Variants in HCRTR1 observed in about 807,000 individuals in gnomAD.
HCRTR1 encodes hypocretin receptor 1.
Under a neutral mutation model 40.6 loss-of-function variants are expected in HCRTR1, and 28 were observed. The ratio of observed to expected loss-of-function variants is 0.69; its 90% CI spans 0.51 to 0.95. HCRTR1 has a LOEUF of 0.95. Ranked by LOEUF, HCRTR1 falls within the 40% of genes least tolerant of loss-of-function variation. The pLI is 0.00. For synonymous variants in HCRTR1, 209 were observed against 230.0 expected (o/e 0.91, Z 0.83); for missense variants, 482 against 564.7 (o/e 0.85, Z 1.48).
chr1:31,619,588 G>A lies in HCRTR1; in HGVS notation c.256G>A (p.Val86Ile). 6.2e-7 allele frequency: 1 copy of A among 1,614,122 alleles called. No homozygotes were observed. The highest frequency in any genetic ancestry group is 8.5e-7 in the Non-Finnish European group (1 of 1,180,014). ...GAGGACAGTCACCAACTACTTCATT[G>A]TCAACCTGTCCCTGGCTGACGTTCT... is the stretch of plus-strand genomic sequence containing the variant. ...HMRTVTNYFI[V>I]NLSLADVLVT... The change falls in exon 4 of 9, where the codon GTC (valine) becomes ATC (isoleucine). Residue 86 changes from valine (V) to isoleucine (I), a missense_variant. By Grantham distance (29) the Val-to-Ile change is conservative. Coordinates refer to ENST00000403528, the MANE Select transcript of HCRTR1 (RefSeq NM_001525.3).
chr1:31,632,321 A>G, downstream of HCRTR1: 3 of 1,135,504 alleles, frequency 2.6e-6, no homozygotes, highest in Non-Finnish European at 3.9e-6. Flanking sequence ...CTCTTGGCTC[A>G]GTGCCCCAGC....
At chr1:31,624,880 A>T (rs1639939962) in intron 7 of HCRTR1, 117 bp from the exon 8 acceptor site, 4 of 1,137,918 alleles carry the variant, frequency 3.5e-6, no homozygotes, top group Non-Finnish European at 4.8e-6. Flanking sequence ...GGAAACGTGG[A>T]CAGAAGTGGG....
At chr1:31,628,883 C>T (rs1182289962), downstream of HCRTR1, among the ~76,000 whole-genome samples, 2 of 152,116 alleles carry the variant, frequency 1.3e-5, no homozygotes, top group African/African-American at 4.8e-5. Flanking sequence ...GGGTAGGCTC[C>T]ACTATATAGA....
chr1:31,625,021 C>A lies in HCRTR1; in HGVS notation c.990C>A (p.Ala330=), dbSNP rs1176151139. Residue 330 remains alanine (A), a synonymous_variant, in exon 8 of 9, where the codon GCC becomes GCA. Transcript: ENST00000403528. This position sits in a 1 kb window ranked among gnomAD's most constrained non-coding sequence, Gnocchi z 4.2. The part of the protein sequence containing the change: ...LKRVFGMFRQ[A]SDREAVYACF... ...GGGTGTTCGGGATGTTCCGCCAAGCCAGTGACCGCGAAGCTGTCTACGCCT... is the reference window on the plus strand; with the variant it reads ...GGGTGTTCGGGATGTTCCGCCAAGCAAGTGACCGCGAAGCTGTCTACGCCT... 1 of 1,609,578 alleles carries A rather than the reference C, an allele frequency of 6.2e-7. No individual in the cohort carries two copies. Among genetic ancestry groups the A allele is most frequent in the Non-Finnish European group, 8.5e-7 (1 of 1,176,878 alleles).
chr1:31,632,360 G>A (rs768257109), downstream of HCRTR1: 3 of 1,436,654 alleles, frequency 2.1e-6, no homozygotes, highest in Non-Finnish European at 2.9e-6. Context: ...AGGGATGCAG[G>A]CCTGCACTGA....
Position 31,623,622 on chromosome 1 carries a change from G to A in HCRTR1, c.838G>A (p.Ala280Thr). 2 of 1,613,912 alleles carry A rather than the reference G, an allele frequency of 1.2e-6. No homozygotes were observed. The highest frequency in any genetic ancestry group is 1.7e-6 in the Non-Finnish European group (2 of 1,180,040). Reference sequence around the variant, plus strand: ...CCTGAGTGGAGAGCCCCAGCCCCGGGCCCGCGCCTTCCTGGCTGAAGTGAA... The same window carrying A: ...CCTGAGTGGAGAGCCCCAGCCCCGGACCCGCGCCTTCCTGGCTGAAGTGAA... ...QGLSGEPQPRARAFLAEVKQM... is the reference protein window; with the variant it reads ...QGLSGEPQPRTRAFLAEVKQM... The change falls in exon 7 of 9, where the codon GCC becomes ACC. Residue 280 changes from alanine (A) to threonine (T), a missense_variant. Physicochemically the swap from Ala to Thr is moderately conservative, Grantham distance 58 (BLOSUM62 0). Transcript: ENST00000403528.
Position 31,625,509 on chromosome 1 carries a change from C to G in HCRTR1, c.1087+391C>G, listed in dbSNP as rs536385116. Among the ~76,000 whole-genome samples the G allele has an allele frequency of 6.6e-6, 1 of 152,306 alleles. No individual in the cohort carries two copies. Among genetic ancestry groups the G allele is most frequent in the Admixed American group, 6.5e-5 (1 of 15,302 alleles). ...GGAGGAGGGCCCTGGAGCCCCTGCC[C>G]GAGGAAGGATTGCACAGTCCAGGTG... is the stretch of plus-strand genomic sequence containing the variant. On this transcript the variant is annotated intron_variant, in intron 8 of 8. Coordinates refer to ENST00000403528, the MANE Select transcript of HCRTR1 (RefSeq NM_001525.3). This position sits in a 1 kb window ranked among gnomAD's most constrained non-coding sequence, Gnocchi z 4.2.
downstream of HCRTR1, chr1:31,630,949 G>T: frequency 1.1e-6 from 1 of 893,680 alleles, no homozygotes; most frequent in East Asian, 2.6e-5. Flanking sequence ...GAGAGGATGG[G>T]CACAGAAGCA....
chr1:31,625,176 C>T lies in HCRTR1; in HGVS notation c.1087+58C>T, dbSNP rs1364595633. 6.0e-6 allele frequency: 9 copies of T among 1,508,760 alleles called. No individual in the cohort carries two copies. The South Asian group carries it at 1.1e-4, about 19-fold the overall frequency. The allele number at this position is 1,508,760 out of a possible 1,614,324, so 93.5% of individuals were successfully genotyped here. A position where few individuals can be genotyped will look rare whatever the true frequency, so the allele number is the denominator to read the frequency against. On this transcript the variant is annotated intron_variant, in intron 8 of 8. Transcript: ENST00000403528. The surrounding 1 kb of genome is among the most constrained non-coding windows in gnomAD (Gnocchi z 4.2). ...GTGGCCAACAGTCCACATGACAAGTCTCCCCATCCCCAAGCCAGGGCCCAA... is the reference window on the plus strand; with the variant it reads ...GTGGCCAACAGTCCACATGACAAGTTTCCCCATCCCCAAGCCAGGGCCCAA...
chr1:31,633,096 C>A, downstream of HCRTR1: 1 of 1,544,140 alleles, frequency 6.5e-7, no homozygotes. Flanking sequence ...CACCTACCCA[C>A]CTACTGTCCA....
chr1:31,627,885 G>C (rs568280456), downstream of HCRTR1, among the ~76,000 whole-genome samples: 26 of 152,226 alleles, frequency 1.7e-4, no homozygotes, highest in Admixed American at 7.2e-4. Flanking sequence ...GGAAGGTAAG[G>C]GGGGCCGGGT....
chr1:31,632,314 T>G (rs752796282), downstream of HCRTR1: 27 of 1,078,898 alleles, frequency 2.5e-5, no homozygotes, highest in Non-Finnish European at 3.8e-5. Context: ...GCCCTGGCTC[T>G]TGGCTCAGTG....
chr1:31,621,720 G>A, intron 6 of HCRTR1, 128 bp downstream of exon 6: 1 of 701,246 alleles, frequency 1.4e-6, no homozygotes, highest in South Asian at 1.7e-5. Context: ...ACCAAAGAGA[G>A]GGGAAGCCCA....
intron 5 of HCRTR1, 64 bp downstream of exon 5, chr1:31,621,150 G>A (rs999706496): frequency 8.4e-6 from 13 of 1,548,476 alleles, no homozygotes; most frequent in Non-Finnish European, 1.1e-5. Context: ...CGTACCCCTA[G>A]GACAGGCATC....
chr1:31,630,971 G>A, downstream of HCRTR1: 1 of 780,208 alleles, frequency 1.3e-6, no homozygotes. Context: ...AAAGAGGGTA[G>A]AGAAATCCCA....
At chr1:31,621,140 C>A in intron 5 of HCRTR1, 54 bp downstream of exon 5, 1 of 1,565,270 alleles carries the variant, frequency 6.4e-7, no homozygotes, top group Non-Finnish European at 8.6e-7. Flanking sequence ...TTTGGGAGCA[C>A]GTACCCCTAG....
rs566568243 is a variant in HCRTR1, at chr1:31,626,122, T to A, written c.1088-668T>A. Among the ~76,000 whole-genome samples, 29 of 151,964 alleles carry A rather than the reference T, an allele frequency of 1.9e-4. 1 individual carries two copies. The East Asian group carries it at 5.2e-3, about 27-fold the overall frequency. On this transcript the variant is annotated intron_variant, in intron 8 of 8. Coordinates refer to ENST00000403528, the MANE Select transcript of HCRTR1 (RefSeq NM_001525.3). The surrounding 1 kb of genome is among the most constrained non-coding windows in gnomAD (Gnocchi z 4.6). ...AGGCTGGCAGCCTAATGACACATGA[T>A]CAAAGGGGCTTCAGCCTGACAAAAT...
At chr1:31,623,794 G>A in intron 7 of HCRTR1, 45 bp downstream of exon 7, 1 of 1,467,480 alleles carries the variant, frequency 6.8e-7, no homozygotes, top group South Asian at 1.2e-5. Flanking sequence ...GTTTGAGGTT[G>A]GGGAAGGAGC....
At chr1:31,632,418 C>T, downstream of HCRTR1, 1 of 1,605,808 alleles carries the variant, frequency 6.2e-7, no homozygotes, top group African/African-American at 1.3e-5. Flanking sequence ...AAGAGGAAAC[C>T]CCTTTGTTGT....
Sources: allele counts gnomAD v4.1 joint callset (sites outside exome capture counted in the v4.1 genomes callset), GRCh38; gene constraint gnomAD v4.1.1; non-coding constraint Gnocchi (gnomAD v3.1); transcripts MANE v1.5; gene names NCBI Gene and HGNC (gene_info 2026-07-23, HGNC 2026-07-21).